Variants in NRG1 observed in about 807,000 individuals in gnomAD.
The protein encoded by NRG1 is pro-neuregulin-1, membrane-bound isoform.
In NRG1, 18 loss-of-function variants were observed where a neutral mutation model predicts 63.8. The ratio of observed to expected loss-of-function variants is 0.28; its 90% CI spans 0.19 to 0.42. The LOEUF (loss-of-function observed/expected upper bound fraction) is 0.42. Among genes scored for constraint, NRG1 ranks in the 10% least tolerant of loss-of-function variants. The probability of loss-of-function intolerance (pLI) is 1.00; values close to 1 mark genes in which losing one functional copy is unlikely to be tolerated. For missense variants in NRG1, 762 were observed against 814.7 expected, an observed-to-expected ratio of 0.94 and a Z score of 0.79; for synonymous variants, 302 against 301.3, an observed-to-expected ratio of 1.00 and a Z score of -0.02.
intron 1 of NRG1, among the ~76,000 whole-genome samples, chr8:32,561,419 A>G (rs1836369050): frequency 1.3e-5 from 2 of 152,214 alleles, no homozygotes; most frequent in African/African-American, 4.8e-5. Context: ...CAAGATGACC[A>G]TAAAATAAGT....
At chr8:31,986,809 A>G (rs1001386672) in intron 1 of NRG1, among the ~76,000 whole-genome samples, 3 of 152,110 alleles carry the variant, frequency 2.0e-5, no homozygotes, top group Non-Finnish European at 4.4e-5. Context: ...TGTTATGTTG[A>G]GTCTAAATCT....
At chr8:32,100,616 AC>A (rs1404518336) in intron 1 of NRG1, among the ~76,000 whole-genome samples, 1 of 151,996 alleles carries the variant, frequency 6.6e-6, no homozygotes, top group Non-Finnish European at 1.5e-5. Flanking sequence ...TTAGACACAC[AC>A]ACAATAAAGC....
At chr8:32,334,308 A>G (rs1316825861) in intron 1 of NRG1, among the ~76,000 whole-genome samples, 2 of 152,198 alleles carry the variant, frequency 1.3e-5, no homozygotes, top group Non-Finnish European at 2.9e-5. Flanking sequence ...CTTATCTCTA[A>G]TATTAAAAAG....
chr8:32,702,518 G>A (rs1033825482), intron 5 of NRG1, among the ~76,000 whole-genome samples: 2 of 152,090 alleles, frequency 1.3e-5, no homozygotes, highest in African/African-American at 2.4e-5. Flanking sequence ...GAGGAGTCTC[G>A]CCTTGTGGCC....
At chr8:32,054,484 C>G (rs902183687) in intron 1 of NRG1, among the ~76,000 whole-genome samples, 4 of 152,160 alleles carry the variant, frequency 2.6e-5, no homozygotes, top group African/African-American at 9.7e-5. Flanking sequence ...CCAACAGAAG[C>G]TTTAAGCTCC....
chr8:32,407,327 A>G (rs4501542), intron 1 of NRG1, among the ~76,000 whole-genome samples: 32,563 of 108,016 alleles, frequency 0.3, 5,098 homozygotes, highest in Middle Eastern at 0.48. Context: ...TATTATATAT[A>G]TATATGGCCA....
At chr8:31,888,868 T>A (rs1225966620) in intron 1 of NRG1, among the ~76,000 whole-genome samples, 1 of 152,126 alleles carries the variant, frequency 6.6e-6, no homozygotes, top group Non-Finnish European at 1.5e-5. Flanking sequence ...CTCCTTCTGA[T>A]GAAAAACATT....
chr8:31,799,729 T>C (rs1821574784), intron 1 of NRG1, among the ~76,000 whole-genome samples: 1 of 152,118 alleles, frequency 6.6e-6, no homozygotes, highest in Non-Finnish European at 1.5e-5. Flanking sequence ...TGTGTATGCA[T>C]AGATATATGT....
rs147369405 is a variant in NRG1, at chr8:32,773,673, C to T, written c.942+13267C>T. On this transcript the variant is annotated intron_variant, in intron 7 of 7. Transcript: ENST00000651335. ...GCATCTGTCACTAGGATCCATTTGT[C>T]TCCTGACTCATCTACTTCCTTTCAC... Among the ~76,000 whole-genome samples, 392 of 152,306 alleles carry T rather than the reference C, an allele frequency of 2.6e-3. 3 individuals carry two copies. Among genetic ancestry groups the T allele is most frequent in the African/African-American group, 8.9e-3 (371 of 41,564 alleles).
intron 5 of NRG1, among the ~76,000 whole-genome samples, chr8:32,632,302 C>T (rs1199365866): frequency 2.0e-5 from 3 of 152,094 alleles, no homozygotes; most frequent in African/African-American, 7.2e-5. Context: ...CCTGTAATCC[C>T]AGCACTTTGG....
chr8:32,513,193 A>G (rs201027760), intron 1 of NRG1, among the ~76,000 whole-genome samples: 7 of 132,196 alleles, frequency 5.3e-5, no homozygotes, highest in Middle Eastern at 3.8e-3. Flanking sequence ...GTGTGTGTGT[A>G]TGCGTGTGTG....
chr8:32,290,157 C>G (rs1333159795), intron 1 of NRG1, among the ~76,000 whole-genome samples: 3 of 152,082 alleles, frequency 2.0e-5, no homozygotes, highest in African/African-American at 7.2e-5. Context: ...AGAAGGATAC[C>G]TTGAGCCCAG....
chr8:32,738,798 TC>T (rs1280584786), intron 6 of NRG1, among the ~76,000 whole-genome samples: 42 of 152,326 alleles, frequency 2.8e-4, no homozygotes, highest in Non-Finnish European at 1.5e-5. Context: ...TTTCTGCTTT[TC>T]CCTTCCATCT....
At chr8:32,126,944 A>G (rs571391695) in intron 1 of NRG1, among the ~76,000 whole-genome samples, 1 of 151,986 alleles carries the variant, frequency 6.6e-6, no homozygotes, top group South Asian at 2.1e-4. Flanking sequence ...CATATCTTCA[A>G]ATCCTCCACA....
chr8:32,373,628 A>T (rs1809220776), intron 1 of NRG1, among the ~76,000 whole-genome samples: 1 of 152,120 alleles, frequency 6.6e-6, no homozygotes, highest in Non-Finnish European at 1.5e-5. Context: ...AATACAAAAA[A>T]TTAGCCAGGA....
intron 1 of NRG1, among the ~76,000 whole-genome samples, chr8:31,893,032 G>T (rs1831274111): frequency 6.6e-6 from 1 of 151,682 alleles, no homozygotes; most frequent in South Asian, 2.1e-4. Flanking sequence ...GCTGAGTAAA[G>T]AATATGGGGG....
At position 31,809,404 on chromosome 8, in the gene NRG1, G is replaced by GTGTA. The variant is rs1554539475; in HGVS notation, c.37+169974_37+169975insGTAT. Among the ~76,000 whole-genome samples, 554 of 140,154 alleles carry GTGTA rather than the reference G, an allele frequency of 4.0e-3. 1 individual carries two copies. The highest frequency in any genetic ancestry group is 0.02 in the Middle Eastern group (5 of 254). The allele number at this position is 140,154 out of a possible 152,430, so 91.9% of individuals were successfully genotyped here. ...TACGTGTATATATATGTGTGTGTGT[G>GTGTA]TATATATATATACTTTTTATGTCTT... On this transcript the variant is annotated intron_variant, in intron 1 of 10. Coordinates refer to the NRG1 transcript ENST00000519301.
chr8:32,548,376 G>A lies in NRG1; in HGVS notation c.-351G>A, dbSNP rs1833368697. 1 of 1,038,246 alleles carries A rather than the reference G, an allele frequency of 9.6e-7. No individual in the cohort carries two copies. Among genetic ancestry groups the A allele is most frequent in the African/African-American group, 1.7e-5 (1 of 59,102 alleles). The allele number at this position is 1,038,246 out of a possible 1,614,324, so 64.3% of individuals were successfully genotyped here. The stretch of plus-strand genomic sequence containing the variant: ...TGAGCGGCGGCGGCTGCCGGACGAT[G>A]GGAGCGTGAGCAGGACGGTGATAAC... On this transcript the variant is annotated 5_prime_UTR_variant, in exon 1 of 12. The change abolishes an upstream ATG in the 5' untranslated region. Transcript: ENST00000356819.
At chr8:31,970,111 C>A (rs536620874) in intron 1 of NRG1, among the ~76,000 whole-genome samples, 6 of 152,124 alleles carry the variant, frequency 3.9e-5, no homozygotes, top group Non-Finnish European at 7.4e-5. Context: ...GGCTTTCAAG[C>A]GTATCTTTCC....
Sources: allele counts gnomAD v4.1 joint callset (sites outside exome capture counted in the v4.1 genomes callset), GRCh38; gene constraint gnomAD v4.1.1; transcripts MANE v1.5; gene names NCBI Gene and HGNC (gene_info 2026-07-23, HGNC 2026-07-21).